PTPRD: variants seen among roughly 807,000 people sequenced by gnomAD.
PTPRD encodes receptor-type tyrosine-protein phosphatase delta.
A neutral mutation model predicts 214.5 loss-of-function variants in PTPRD; 34 were observed. The ratio of observed to expected loss-of-function variants is 0.16; its 90% CI spans 0.12 to 0.21. PTPRD has a LOEUF of 0.21. Among genes scored for constraint, PTPRD ranks in the 10% least tolerant of loss-of-function variants. The pLI, the probability that PTPRD is intolerant of heterozygous loss-of-function variation, is 1.00. For synonymous variants in PTPRD, 1,128 were observed against 845.7 expected, an observed-to-expected ratio of 1.33 and a Z score of -5.79; for missense variants, 2,545 against 2,398.7, an observed-to-expected ratio of 1.06 and a Z score of -1.27.
At chr9:10,391,076 A>G (rs1177815489) in intron 2 of PTPRD, among the ~76,000 whole-genome samples, 2 of 151,796 alleles carry the variant, frequency 1.3e-5, no homozygotes, top group African/African-American at 2.4e-5. Context: ...GACCCATTAC[A>G]GTATTGGGGA....
chr9:9,352,684 G>A (rs2051888883), intron 9 of PTPRD, among the ~76,000 whole-genome samples: 1 of 151,984 alleles, frequency 6.6e-6, no homozygotes, highest in Non-Finnish European at 1.5e-5. Flanking sequence ...GTGTAAGCAT[G>A]ACGAATTAAT....
chr9:10,473,859 G>T (rs1000111617), intron 2 of PTPRD, among the ~76,000 whole-genome samples: 1 of 151,936 alleles, frequency 6.6e-6, no homozygotes, highest in Admixed American at 6.6e-5. Flanking sequence ...CAAATTAAAA[G>T]CTCCTCTTAA....
intron 12 of PTPRD, among the ~76,000 whole-genome samples, chr9:8,715,179 T>C (rs2098417924): frequency 6.7e-6 from 1 of 150,354 alleles, no homozygotes; most frequent in Non-Finnish European, 1.5e-5. Flanking sequence ...AATTAGAAGG[T>C]GTCATCAACT....
intron 9 of PTPRD, among the ~76,000 whole-genome samples, chr9:9,374,804 A>T (rs529000671): frequency 1.2e-3 from 184 of 152,334 alleles, no homozygotes; most frequent in African/African-American, 4.0e-3. Context: ...GGTCTGAAAC[A>T]TCACCATTTT....
chr9:9,571,829 A>C (rs970074698), intron 8 of PTPRD, among the ~76,000 whole-genome samples: 1 of 151,228 alleles, frequency 6.6e-6, no homozygotes, highest in Non-Finnish European at 1.5e-5. Context: ...GAATTTTATA[A>C]TAAAACATTA....
At chr9:8,768,683 G>A (rs2094953131) in intron 11 of PTPRD, among the ~76,000 whole-genome samples, 1 of 152,198 alleles carries the variant, frequency 6.6e-6, no homozygotes, top group South Asian at 2.1e-4. Flanking sequence ...TGTTGTTACT[G>A]TTTTATTTTT....
chr9:10,486,353 T>C (rs1482966476), intron 2 of PTPRD, among the ~76,000 whole-genome samples: 2 of 152,158 alleles, frequency 1.3e-5, no homozygotes, highest in Non-Finnish European at 2.9e-5. Context: ...GAGTTAATTT[T>C]TGTATAAGGT....
At chr9:8,586,161 G>A (rs1419257884) in intron 14 of PTPRD, among the ~76,000 whole-genome samples, 3 of 152,214 alleles carry the variant, frequency 2.0e-5, no homozygotes, top group East Asian at 3.9e-4. Flanking sequence ...TTAGCTAGGC[G>A]TGGCGGCGTG....
chr9:8,634,740 G>T (rs1004333083), intron 13 of PTPRD, among the ~76,000 whole-genome samples: 1 of 151,502 alleles, frequency 6.6e-6, no homozygotes, highest in Non-Finnish European at 1.5e-5. Context: ...TATGATTTAG[G>T]TAGGAAAAGG....
chr9:9,072,280 T>TACAC (rs201508445), intron 10 of PTPRD, among the ~76,000 whole-genome samples: 10,330 of 135,580 alleles, frequency 0.076, 423 homozygotes, highest in Middle Eastern at 0.15. Context: ...GCTGGCAACT[T>TACAC]ACACACACAC....
chr9:10,542,663 G>A (rs2059370843), intron 2 of PTPRD, among the ~76,000 whole-genome samples: 2 of 151,848 alleles, frequency 1.3e-5, no homozygotes, highest in Admixed American at 1.3e-4. Flanking sequence ...TATTCACAGT[G>A]AAATATTGTA....
intron 11 of PTPRD, among the ~76,000 whole-genome samples, chr9:8,959,959 T>C (rs1199641553): frequency 9.2e-5 from 14 of 152,106 alleles, no homozygotes; most frequent in African/African-American, 2.4e-5. Context: ...CAACATCATC[T>C]TTCTTTCCCC....
chr9:9,871,908 C>T (rs144964929), intron 5 of PTPRD, among the ~76,000 whole-genome samples: 1 of 152,086 alleles, frequency 6.6e-6, no homozygotes, highest in African/African-American at 2.4e-5. Context: ...ATCATAATAA[C>T]AAAAACTAAG....
intron 9 of PTPRD, among the ~76,000 whole-genome samples, chr9:9,199,085 G>A (rs985848555): frequency 7.2e-5 from 11 of 152,286 alleles, no homozygotes; most frequent in Admixed American, 1.3e-4. Flanking sequence ...AAAGACGGCT[G>A]AGAGCCTTAG....
At position 10,283,112 on chromosome 9, in the gene PTPRD, C is replaced by A. The variant is rs142581478; in HGVS notation, c.-545+57851G>T. Among the ~76,000 whole-genome samples, 436 of 148,652 alleles carry A rather than the reference C, an allele frequency of 2.9e-3. 3 individuals carry two copies. Among genetic ancestry groups the A allele is most frequent in the African/African-American group, 0.011 (427 of 39,996 alleles). ...CTCTTCTACCATAATTCCTCAAAAC[C>A]TGCCTGCATATGTACACACACACAC... is the stretch of plus-strand genomic sequence containing the variant. On this transcript the variant is annotated intron_variant, in intron 3 of 45. Transcript: ENST00000381196.
At chr9:9,412,597 G>A (rs566176782) in intron 8 of PTPRD, among the ~76,000 whole-genome samples, 18 of 152,082 alleles carry the variant, frequency 1.2e-4, no homozygotes, top group Non-Finnish European at 1.8e-4. Context: ...GTCACTACGC[G>A]AAGGGGTTTA....
At chr9:9,039,323 T>C (rs911331353) in intron 10 of PTPRD, among the ~76,000 whole-genome samples, 1 of 152,210 alleles carries the variant, frequency 6.6e-6, no homozygotes, top group African/African-American at 2.4e-5. Flanking sequence ...ATTTAAGGGA[T>C]GGGTTCACTA....
At chr9:9,052,404 T>C (rs1202486761) in intron 10 of PTPRD, among the ~76,000 whole-genome samples, 1 of 152,188 alleles carries the variant, frequency 6.6e-6, no homozygotes, top group Non-Finnish European at 1.5e-5. Flanking sequence ...GTGACCCTAA[T>C]AGTAGATTGA....
intron 39 of PTPRD, among the ~76,000 whole-genome samples, chr9:8,371,232 A>C (rs1459016290): frequency 2.0e-5 from 3 of 152,106 alleles, no homozygotes; most frequent in Non-Finnish European, 4.4e-5. Context: ...AAGGGAAAAA[A>C]ATATAGTCTC....
Sources: allele counts gnomAD v4.1 joint callset (sites outside exome capture counted in the v4.1 genomes callset), GRCh38; gene constraint gnomAD v4.1.1; transcripts MANE v1.5; gene names NCBI Gene and HGNC (gene_info 2026-07-23, HGNC 2026-07-21).